The following NINL variants were observed in gnomAD, a reference collection of about 807,000 sequenced individuals.
NINL encodes the protein ninein-like protein.
In NINL, 153 loss-of-function variants were observed where a neutral mutation model predicts 160.3. That is an observed-to-expected ratio of 0.95 (90% CI 0.84 to 1.09). The LOEUF (loss-of-function observed/expected upper bound fraction) is 1.09. Among genes scored for constraint, NINL ranks in the 50% least tolerant of loss-of-function variants. The pLI is 0.00. For missense variants in NINL, 1,829 were observed against 1,764.0 expected, an observed-to-expected ratio of 1.04 and a Z score of -0.66; for synonymous variants, 800 against 734.8, an observed-to-expected ratio of 1.09 and a Z score of -1.43.
intron 14 of NINL, among the ~76,000 whole-genome samples, chr20:25,480,814 GGT>G (rs2063372246): frequency 6.6e-6 from 1 of 152,338 alleles, no homozygotes; most frequent in African/African-American, 2.4e-5. Context: ...CGGGCAGGGA[GGT>G]GTGACAGCCA....
At chr20:25,550,403 G>A (rs1389554639) in intron 1 of NINL, among the ~76,000 whole-genome samples, 2 of 152,214 alleles carry the variant, frequency 1.3e-5, no homozygotes, top group African/African-American at 2.4e-5. Context: ...ACAAGAGACT[G>A]AGAAAAGAAA....
At chr20:25,482,226 TC>T in intron 13 of NINL, 126 bp from the exon 14 acceptor site, 1 of 1,037,702 alleles carries the variant, frequency 9.6e-7, no homozygotes, top group Non-Finnish European at 1.3e-6. Context: ...GCCTGTTGCT[TC>T]CCAGCTTCCA....
rs2063356708 is a variant in NINL, at chr20:25,480,180, C to A, written c.1898G>T (p.Arg633Met). The A allele has an allele frequency of 6.2e-7, 1 of 1,613,938 alleles. No homozygotes were observed. The highest frequency in any genetic ancestry group is 1.3e-5 in the African/African-American group (1 of 75,036). Residue 633 changes from arginine (R) to methionine (M), a missense_variant, in exon 15 of 24, where the codon AGG becomes ATG. Transcript: ENST00000278886. The part of the protein sequence containing the change: ...EQVKEHYQDL[R>M]TQLETKVNYY... The stretch of plus-strand genomic sequence containing the variant: ...CCTCACCTTGGTCTCCAGCTGGGTC[C>A]TGAGGTCTTGGTAATGCTCCTTTAC...
rs1431380098 is a variant in NINL, at chr20:25,496,698, G to A, written c.1275C>T (p.His425=). ...LEFVKEMDDC[H]STLEQLTEKK... ...TCTCCGTGAGCTGCTCCAGGGTGGA[G>A]TGGCAGTCGTCCATCTCTTTCACAA... is the stretch of plus-strand genomic sequence containing the variant. The change falls in exon 10 of 24, where the codon CAC becomes CAT. Residue 425 remains histidine, a synonymous_variant. Coordinates refer to ENST00000278886, the MANE Select transcript of NINL (RefSeq NM_025176.6). 2.5e-6 allele frequency: 4 copies of A among 1,614,012 alleles called. No homozygotes were observed. In the African/African-American group the frequency reaches 5.3e-5, roughly 22 times the overall value.
chr20:25,566,074 G>A (rs542687639), intron 1 of NINL, among the ~76,000 whole-genome samples: 4 of 152,214 alleles, frequency 2.6e-5, no homozygotes, highest in South Asian at 4.2e-4. Flanking sequence ...TGGACTTTTC[G>A]GCCTCCACAG....
chr20:25,464,361 G>A (rs914195943), intron 19 of NINL, among the ~76,000 whole-genome samples: 1 of 152,144 alleles, frequency 6.6e-6, no homozygotes, highest in African/African-American at 2.4e-5. Flanking sequence ...AGGTTGCAGT[G>A]AGCTGATATT....
rs1216395787 is a variant in NINL, at chr20:25,470,071, T to C, written c.3273A>G (p.Glu1091=). Residue 1091 remains glutamate (E), a synonymous_variant, in exon 18 of 24, where the codon GAA becomes GAG. Coordinates refer to ENST00000278886, the MANE Select transcript of NINL (RefSeq NM_025176.6). ...GATCGTTTTTCAACAAAGTGTTTTCTTCAGAAAGTCTATGGAACTCCAGTC... is the reference window on the plus strand; with the variant it reads ...GATCGTTTTTCAACAAAGTGTTTTCCTCAGAAAGTCTATGGAACTCCAGTC... The part of the protein sequence containing the change: ...NDRLEFHRLS[E]ENTLLKNDLG... 3 of 1,614,002 alleles carry C rather than the reference T, an allele frequency of 1.9e-6. No homozygotes were observed. The African/African-American group carries it at 4.0e-5, about 22-fold the overall frequency.
intron 1 of NINL, among the ~76,000 whole-genome samples, chr20:25,533,182 G>A (rs2147001856): frequency 6.6e-6 from 1 of 152,286 alleles, no homozygotes; most frequent in East Asian, 1.9e-4. Context: ...GCCTGAAGAT[G>A]GGGCTTAGAA....
chr20:25,485,700 A>C (rs989341673), intron 13 of NINL, among the ~76,000 whole-genome samples: 1 of 152,212 alleles, frequency 6.6e-6, no homozygotes, highest in African/African-American at 2.4e-5. Context: ...GTGGGTCTTA[A>C]TTTTTATTAA....
At chr20:25,509,843 T>C (rs894224347) in intron 5 of NINL, 7 of 397,720 alleles carry the variant, frequency 1.8e-5, no homozygotes, top group East Asian at 1.4e-4. Flanking sequence ...GGAAGTATTA[T>C]AGGCAAACAC....
chr20:25,518,855 T>C (rs946231020), intron 2 of NINL, among the ~76,000 whole-genome samples: 7 of 152,066 alleles, frequency 4.6e-5, no homozygotes, highest in African/African-American at 1.7e-4. Context: ...CCCAGCACTT[T>C]GGGAGGCCGA....
At chr20:25,551,113 C>T (rs757797530) in intron 1 of NINL, among the ~76,000 whole-genome samples, 48 of 152,348 alleles carry the variant, frequency 3.2e-4, no homozygotes, top group Admixed American at 9.2e-4. Context: ...CCTGCAAACA[C>T]ATTTTTAACA....
At chr20:25,529,132 G>A (rs1169016427) in intron 1 of NINL, among the ~76,000 whole-genome samples, 1 of 152,138 alleles carries the variant, frequency 6.6e-6, no homozygotes, top group Non-Finnish European at 1.5e-5. Context: ...ATGTTGGCCA[G>A]GTATGGTGGT....
chr20:25,531,420 A>T lies in NINL; in HGVS notation c.-11-4822T>A, dbSNP rs534568870. Among the ~76,000 whole-genome samples, 3 of 152,380 alleles carry T rather than the reference A, an allele frequency of 2.0e-5. No individual in the cohort carries two copies. In the South Asian group the frequency reaches 6.2e-4, roughly 32 times the overall value. ...AGTAAAGACAGGCATAGGAAATCACAAGGGTATTGACTGGGGAAGTGATAA... is the reference window on the plus strand; with the variant it reads ...AGTAAAGACAGGCATAGGAAATCACTAGGGTATTGACTGGGGAAGTGATAA... On this transcript the variant is annotated intron_variant, in intron 1 of 23. Transcript: ENST00000278886.
At chr20:25,484,412 G>C (rs2063465917) in intron 13 of NINL, among the ~76,000 whole-genome samples, 1 of 152,168 alleles carries the variant, frequency 6.6e-6, no homozygotes, top group African/African-American at 2.4e-5. Flanking sequence ...AAGGAACCAA[G>C]ACTCCTTGGA....
intron 17 of NINL, among the ~76,000 whole-genome samples, chr20:25,475,121 C>T (rs1178509031): frequency 1.3e-5 from 2 of 151,464 alleles, no homozygotes; most frequent in Non-Finnish European, 2.9e-5. Context: ...TGGTGGTGCA[C>T]GCCTGTAATC....
intron 13 of NINL, among the ~76,000 whole-genome samples, chr20:25,487,172 T>G (rs954763360): frequency 6.6e-6 from 1 of 152,248 alleles, no homozygotes; most frequent in Admixed American, 6.5e-5. Flanking sequence ...CCCGTTCATA[T>G]AGCTATAAAC....
At chr20:25,517,716 A>C in intron 3 of NINL, 37 bp downstream of exon 3, 2 of 1,467,084 alleles carry the variant, frequency 1.4e-6, no homozygotes, top group Non-Finnish European at 9.3e-7. Context: ...GTTAACAAAC[A>C]AATAATGAAA....
chr20:25,519,378 T>G (rs2064222643), intron 2 of NINL, among the ~76,000 whole-genome samples: 1 of 152,226 alleles, frequency 6.6e-6, no homozygotes, highest in Non-Finnish European at 1.5e-5. Flanking sequence ...ATAGTTATTC[T>G]GTTTTTCATT....
Sources: allele counts gnomAD v4.1 joint callset (sites outside exome capture counted in the v4.1 genomes callset), GRCh38; gene constraint gnomAD v4.1.1; transcripts MANE v1.5; gene names NCBI Gene and HGNC (gene_info 2026-07-23, HGNC 2026-07-21).